CPD: variants seen among roughly 807,000 people sequenced by gnomAD.
CPD encodes carboxypeptidase D, also known as metallocarboxypeptidase D.
Under a neutral mutation model 138.3 loss-of-function variants are expected in CPD, and 69 were observed. That is an observed-to-expected ratio of 0.50 (90% CI 0.41 to 0.61). The LOEUF is 0.61. CPD is among the 20% of genes least tolerant of loss of function. CPD has a pLI of 0.00. For synonymous variants in CPD, 651 were observed against 642.1 expected (o/e 1.01, Z -0.21); for missense variants, 1,432 against 1,733.3 (o/e 0.83, Z 3.09).
Position 30,449,733 on chromosome 17 carries a change from C to A in CPD, c.3054C>A (p.Asn1018Lys). Residue 1018 changes from asparagine to lysine, a missense_variant, in exon 13 of 21, where the codon AAC becomes AAA. By Grantham distance (94) the Asn-to-Lys change is moderately conservative. Coordinates refer to ENST00000225719, the MANE Select transcript of CPD (RefSeq NM_001304.5). ...AEFLCLNYKK[N>K]PAVTQLVDRT... Reference sequence around the variant, plus strand: ...TTCTCTGCCTGAACTACAAAAAGAACCCAGCTGTTACCCAAGTAAGAGAAT... The same window carrying A: ...TTCTCTGCCTGAACTACAAAAAGAAACCAGCTGTTACCCAAGTAAGAGAAT... The A allele has an allele frequency of 6.4e-7, 1 of 1,567,594 alleles. No individual in the cohort carries two copies. Among genetic ancestry groups the A allele is most frequent in the African/African-American group, 1.4e-5 (1 of 71,794 alleles).
chr17:30,442,514 G>A (rs995156045), intron 10 of CPD, 64 bp downstream of exon 10: 69 of 1,523,786 alleles, frequency 4.5e-5, no homozygotes, highest in African/African-American at 3.6e-4. Context: ...GTGCGTACAC[G>A]TGGTTTTTGT....
At chr17:30,454,546 C>T (rs1477138400) in intron 14 of CPD, 3 of 152,314 alleles carry the variant, frequency 2.0e-5, no homozygotes, top group African/African-American at 4.8e-5. Context: ...CACATTTTCC[C>T]ATCTTCTTCT....
At chr17:30,436,747 C>G (rs1255114453) in intron 8 of CPD, among the ~76,000 whole-genome samples, 2 of 152,102 alleles carry the variant, frequency 1.3e-5, no homozygotes, top group African/African-American at 2.4e-5. Context: ...GTAATATGAC[C>G]CAGCATTCCA....
intron 17 of CPD, among the ~76,000 whole-genome samples, chr17:30,459,020 ATTC>A (rs1445509374): frequency 6.6e-6 from 1 of 151,716 alleles, no homozygotes; most frequent in African/African-American, 2.4e-5. Flanking sequence ...TTGAAAGACT[ATTC>A]TTTCCCCACT....
At chr17:30,389,755 GCT>G (rs1911298769) in intron 2 of CPD, among the ~76,000 whole-genome samples, 4 of 152,350 alleles carry the variant, frequency 2.6e-5, no homozygotes, top group African/African-American at 9.6e-5. Flanking sequence ...ATCTGAAGAA[GCT>G]ACATTATGCT....
intron 2 of CPD, among the ~76,000 whole-genome samples, chr17:30,387,420 ATTG>A (rs1168358453): frequency 6.6e-6 from 1 of 152,206 alleles, no homozygotes; most frequent in Non-Finnish European, 1.5e-5. Context: ...CCTGGCAAGA[ATTG>A]TTAATACAAG....
intron 1 of CPD, chr17:30,380,180 A>C: frequency 5.9e-6 from 1 of 168,252 alleles, no homozygotes. Context: ...CATAGACACC[A>C]TCAGTTTTGC....
chr17:30,383,383 G>A (rs147949013), intron 1 of CPD, among the ~76,000 whole-genome samples: 28 of 152,260 alleles, frequency 1.8e-4, no homozygotes, highest in African/African-American at 5.5e-4. Context: ...GAGGTTCAGC[G>A]AATTTAAAGG....
rs141725237 is a variant in CPD, at chr17:30,386,107, G to A, written c.994+871G>A. On this transcript the variant is annotated intron_variant, in intron 2 of 20. Transcript: ENST00000225719. ...TGCAATAGTACAATCATAGCTCACT[G>A]TAATCACAAGCTCCTGGGCGCAAGC... Among the ~76,000 whole-genome samples, 981 of 152,244 alleles carry A rather than the reference G, an allele frequency of 6.4e-3. 5 individuals are homozygous for A. Among genetic ancestry groups the A allele is most frequent in the Non-Finnish European group, 0.011 (772 of 68,012 alleles).
In CPD at chr17:30,427,387, A is replaced by G; in HGVS notation, c.1850-4A>G. On this transcript the variant is annotated splice_region_variant and splice_polypyrimidine_tract_variant and intron_variant, in intron 6 of 20. Transcript: ENST00000225719. ...ATATTCAAATCCTTTATCATATCAT[A>G]CAGGAGATTCAATAAGTGTAATTGG... is the stretch of plus-strand genomic sequence containing the variant. 6.2e-7 allele frequency: 1 copy of G among 1,613,386 alleles called. No individual in the cohort carries two copies.
At chr17:30,419,098 C>G (rs1171088326) in intron 2 of CPD, among the ~76,000 whole-genome samples, 1 of 152,068 alleles carries the variant, frequency 6.6e-6, no homozygotes, top group African/African-American at 2.4e-5. Context: ...GAAACTTCAG[C>G]AAAAATGAGA....
chr17:30,393,894 A>G (rs1245831880), intron 2 of CPD, among the ~76,000 whole-genome samples: 1 of 152,180 alleles, frequency 6.6e-6, no homozygotes, highest in Non-Finnish European at 1.5e-5. Context: ...TAATCCCAGC[A>G]CTTTGGGAGG....
chr17:30,455,560 G>T lies in CPD; in HGVS notation c.3337+90G>T, dbSNP rs543940404. On this transcript the variant is annotated intron_variant, in intron 15 of 20. Transcript: ENST00000225719. ...TGTCCCTTCCACATTTTTATAAATA[G>T]TGAGCATTTGAGCACACTCTATGAG... 73 of 1,444,168 alleles carry T rather than the reference G, an allele frequency of 5.1e-5. No individual in the cohort carries two copies. The African/African-American group carries it at 8.7e-4, about 17-fold the overall frequency. 89.5% of individuals were successfully genotyped at this position (1,444,168 alleles called of 1,614,324 possible).
intron 2 of CPD, among the ~76,000 whole-genome samples, chr17:30,405,562 C>T (rs1002666447): frequency 6.6e-6 from 1 of 151,990 alleles, no homozygotes; most frequent in Admixed American, 6.6e-5. Context: ...AATTTTTTCC[C>T]CCATTGGTTT....
intron 2 of CPD, among the ~76,000 whole-genome samples, chr17:30,405,477 T>C (rs189205419): frequency 6.6e-6 from 1 of 152,296 alleles, no homozygotes; most frequent in East Asian, 1.9e-4. Flanking sequence ...TTTCACAATA[T>C]GATGTAAAAC....
chr17:30,418,036 C>T (rs1231604411), intron 2 of CPD, among the ~76,000 whole-genome samples: 2 of 152,092 alleles, frequency 1.3e-5, no homozygotes, highest in Non-Finnish European at 2.9e-5. Flanking sequence ...TGCTCCTGAA[C>T]CCCCGCTCCT....
At chr17:30,408,733 T>C (rs554460048) in intron 2 of CPD, among the ~76,000 whole-genome samples, 1 of 152,346 alleles carries the variant, frequency 6.6e-6, no homozygotes, top group East Asian at 1.9e-4. Context: ...TTTCTAAATA[T>C]ACAGTCATGC....
At chr17:30,399,430 G>C (rs1389943450) in intron 2 of CPD, among the ~76,000 whole-genome samples, 1 of 152,038 alleles carries the variant, frequency 6.6e-6, no homozygotes, top group Non-Finnish European at 1.5e-5. Flanking sequence ...AACCAAAATT[G>C]TGGATTTACC....
Position 30,462,007 on chromosome 17 carries a change from C to T in CPD, c.3761C>T (p.Pro1254Leu), listed in dbSNP as rs146827629. ...GGTTATTTCCATGTACTCTTAGCGC[C>T]AGGTGTCCATAACATTATTGCCATC... ...EGGYFHVLLAPGVHNIIAIAD... is the reference protein window; with the variant it reads ...EGGYFHVLLALGVHNIIAIAD... Residue 1254 changes from proline to leucine, a missense_variant, in exon 19 of 21, where the codon CCA becomes CTA. By Grantham distance (98) the Pro-to-Leu change is moderately conservative. Around this residue, in one of 6 missense-constraint regions of CPD, gnomAD observed 366 missense variants for 518.8 expected, o/e 0.71. Transcript: ENST00000225719. The T allele has an allele frequency of 6.2e-7, 1 of 1,613,850 alleles. No individual in the cohort carries two copies. Among genetic ancestry groups the T allele is most frequent in the East Asian group, 2.2e-5 (1 of 44,864 alleles).
Sources: gnomAD v4.1 joint callset for allele counts (sites outside exome capture counted in the v4.1 genomes callset) on GRCh38, gnomAD v4.1.1 for gene constraint, gnomAD v4.1.1 regional missense constraint, MANE v1.5 for transcripts, NCBI Gene and HGNC (gene_info 2026-07-23, HGNC 2026-07-21) for gene names.